Variants in ZNF180 observed in about 807,000 individuals in gnomAD.
ZNF180 encodes zinc finger protein 180 (HHZ168).
ZNF180 carries 11 observed loss-of-function variants against 11.8 expected under a neutral mutation model. The ratio of observed to expected loss-of-function variants is 0.93; its 90% CI spans 0.59 to 1.55. The LOEUF (loss-of-function observed/expected upper bound fraction) is 1.55, where lower values mean the gene tolerates loss of function less well. Among genes scored for constraint, ZNF180 ranks in the 40% most tolerant of loss-of-function variants. The probability of loss-of-function intolerance (pLI) is 0.00; values close to 1 mark genes in which losing one functional copy is unlikely to be tolerated. For synonymous variants in ZNF180, 287 were observed against 257.7 expected, an observed-to-expected ratio of 1.11 and a Z score of -1.09; for missense variants, 773 against 781.7, an observed-to-expected ratio of 0.99 and a Z score of 0.13.
rs929398841 is a variant in ZNF180 at position 44,474,526 on chromosome 19, T to C, written c.*1876A>G. On this transcript the variant is annotated 3_prime_UTR_variant, in exon 5 of 5. Coordinates refer to ENST00000592529, the MANE Select transcript of ZNF180 (RefSeq NM_001278509.3). ...CATCATTAAACCATCTAATCTAATATTCGACCATATCATTTCTTTCTTTAC... is the reference window on the plus strand; with the variant it reads ...CATCATTAAACCATCTAATCTAATACTCGACCATATCATTTCTTTCTTTAC... 1.3e-5 allele frequency: 2 copies of C among 152,226 alleles called. No homozygotes were observed. The highest frequency in any genetic ancestry group is 4.8e-5 in the African/African-American group (2 of 41,442). The allele number at this position is 152,226 out of a possible 1,614,324, so 9.4% of individuals were successfully genotyped here. A position where few individuals can be genotyped will look rare whatever the true frequency, so the allele number is the denominator to read the frequency against.
At chr19:44,489,066 C>T (rs1261317574) in intron 2 of ZNF180, among the ~76,000 whole-genome samples, 10 of 148,518 alleles carry the variant, frequency 6.7e-5, no homozygotes, top group Admixed American at 4.0e-4. Context: ...TGGGGGTCAG[C>T]CCCCGCCCGG....
At chr19:44,490,870 G>T (rs1970433103) in intron 2 of ZNF180, among the ~76,000 whole-genome samples, 1 of 152,188 alleles carries the variant, frequency 6.6e-6, no homozygotes, top group Non-Finnish European at 1.5e-5. Context: ...ACAAAAGAAA[G>T]CTCATCTTTC....
At chr19:44,494,370 A>G (rs1013068972) in intron 2 of ZNF180, among the ~76,000 whole-genome samples, 9 of 152,222 alleles carry the variant, frequency 5.9e-5, no homozygotes, top group South Asian at 2.1e-4. Context: ...GACCACATCA[A>G]AACACATTCT....
At chr19:44,480,073 A>G (rs1970039142) in intron 3 of ZNF180, among the ~76,000 whole-genome samples, 1 of 152,214 alleles carries the variant, frequency 6.6e-6, no homozygotes, top group South Asian at 2.1e-4. Context: ...AAGGGCATAT[A>G]TCTGCTTAAG....
At chr19:44,482,913 A>G (rs1035166855) in intron 3 of ZNF180, among the ~76,000 whole-genome samples, 1 of 152,218 alleles carries the variant, frequency 6.6e-6, no homozygotes, top group Non-Finnish European at 1.5e-5. Context: ...AAGCTTGCAC[A>G]TTGATGACTG....
chr19:44,489,016 T>C (rs367900524), intron 2 of ZNF180, among the ~76,000 whole-genome samples: 1 of 145,092 alleles, frequency 6.9e-6, no homozygotes, highest in African/African-American at 2.6e-5. Context: ...GGGAAGTGAG[T>C]AGCGTCTCCG....
rs774012232 is a variant in ZNF180 at position 44,479,283 on chromosome 19, C to G, written c.253G>C (p.Asp85His). The change falls in exon 4 of 5, where the codon GAC (aspartate) becomes CAC (histidine). Residue 85 changes from aspartate (D) to histidine (H), a missense_variant and splice_region_variant. By Grantham distance (81) the Asp-to-His change is moderately conservative. Coordinates refer to ENST00000592529, the MANE Select transcript of ZNF180 (RefSeq NM_001278509.3). ...TCATTAAAGAGGAGTGTATTCTTAC[C>G]CCAAGAGACTAGGTCCCTGTGGTTC... ...LENHRDLVSWDLATAVGKKDS... is the reference protein window; with the variant it reads ...LENHRDLVSWHLATAVGKKDS... 5.6e-6 allele frequency: 9 copies of G among 1,612,746 alleles called. No homozygotes were observed. Among genetic ancestry groups the G allele is most frequent in the Non-Finnish European group, 7.6e-6 (9 of 1,179,548 alleles).
Position 44,497,272 on chromosome 19 carries a change from G to C in ZNF180, c.51+12C>G. ...GGCTGCAGACAGACCCAAGCTCTGG[G>C]TCTCCACTCACCTGTGCACAGACCT... On this transcript the variant is annotated intron_variant, in intron 2 of 4. Transcript: ENST00000592529. 1 of 1,557,746 alleles carries C rather than the reference G, an allele frequency of 6.4e-7. No individual in the cohort carries two copies. Among genetic ancestry groups the C allele is most frequent in the Non-Finnish European group, 8.6e-7 (1 of 1,159,922 alleles).
At chr19:44,499,855 GATC>G (rs773256462) in intron 1 of ZNF180, among the ~76,000 whole-genome samples, 19 of 152,144 alleles carry the variant, frequency 1.2e-4, no homozygotes, top group South Asian at 2.1e-4. Context: ...CCAAATACCT[GATC>G]AAGAGTAAAG....
rs1436774280 is a variant in ZNF180, at chr19:44,483,235, A to G, written c.126+1126T>C. Among the ~76,000 whole-genome samples the G allele has an allele frequency of 2.0e-5, 3 of 152,256 alleles. No homozygotes were observed. In the East Asian group the frequency reaches 5.8e-4, roughly 29 times the overall value. On this transcript the variant is annotated intron_variant, in intron 3 of 4. Transcript: ENST00000592529. The stretch of plus-strand genomic sequence containing the variant: ...TTAGTGGGCTCTTTATCACTTCCAT[A>G]TTAATTACTCAATTTAAGGTTCATG...
In ZNF180 at chr19:44,477,600, A is replaced by T. The variant is rs1379429757; in HGVS notation, c.800T>A (p.Ile267Asn). ...ATCAAAGGTTTTTCCTCCTCCATGA[A>T]TTTTTTCATGTATATGTAGGGGTGT... ...HGTPLHIHEK[I>N]HGGGKTFDFK... Residue 267 changes from isoleucine to asparagine, a missense_variant, in exon 5 of 5, where the codon ATT (isoleucine) becomes AAT (asparagine). Ile to Asn is a moderately radical substitution (Grantham distance 149). Transcript: ENST00000592529. 2 of 1,613,978 alleles carry T rather than the reference A, an allele frequency of 1.2e-6. No individual in the cohort carries two copies. The highest frequency in any genetic ancestry group is 1.7e-6 in the Non-Finnish European group (2 of 1,179,992).
chr19:44,486,187 G>C (rs1432639367), intron 2 of ZNF180, among the ~76,000 whole-genome samples: 4 of 124,000 alleles, frequency 3.2e-5, no homozygotes, highest in Non-Finnish European at 7.2e-5. Context: ...ATATTGCTGA[G>C]TGAAAAAATG....
intron 3 of ZNF180, among the ~76,000 whole-genome samples, chr19:44,482,189 C>T (rs1402790482): frequency 6.6e-6 from 1 of 152,116 alleles, no homozygotes; most frequent in African/African-American, 2.4e-5. Context: ...TGCCTATAGT[C>T]CCAGCTACTC....
chr19:44,480,522 C>T (rs544115447), intron 3 of ZNF180, among the ~76,000 whole-genome samples: 1 of 152,294 alleles, frequency 6.6e-6, no homozygotes, highest in South Asian at 2.1e-4. Flanking sequence ...GCAGAGTTTA[C>T]TGATGAAACA....
chr19:44,499,575 T>C (rs768241795), intron 1 of ZNF180, among the ~76,000 whole-genome samples: 2 of 152,078 alleles, frequency 1.3e-5, no homozygotes, highest in African/African-American at 2.4e-5. Context: ...TGTTTTCCAT[T>C]CAGACACCCC....
chr19:44,475,515 CTA>C lies in ZNF180; in HGVS notation c.*885_*886del, dbSNP rs1969840247. ...TTCAATGAGGAATGTTCCTAGGAAT[CTA>C]TGTCCTAAGTAGTAATCTGCTCATG... On this transcript the variant is annotated 3_prime_UTR_variant, in exon 5 of 5. Coordinates refer to ENST00000592529, the MANE Select transcript of ZNF180 (RefSeq NM_001278509.3). 6.6e-6 allele frequency: 1 copy of C among 152,194 alleles called. No homozygotes were observed. The highest frequency in any genetic ancestry group is 1.5e-5 in the Non-Finnish European group (1 of 68,050). The allele number at this position is 152,194 out of a possible 1,614,324, so 9.4% of individuals were successfully genotyped here.
At chr19:44,488,217 TCTCCCTCTCCCTCTCCCTCTCTTTCCAC>T in intron 2 of ZNF180, among the ~76,000 whole-genome samples, 1 of 12,964 alleles carries the variant, frequency 7.7e-5, no homozygotes, top group East Asian at 8.9e-3. Flanking sequence ...CTTTCCACGG[TCTCCCTCTCCCTCTCCCTCTCTTTCCAC>T]GGTCTCCCTC....
chr19:44,478,053 G>A lies in ZNF180; in HGVS notation c.347C>T (p.Thr116Ile), dbSNP rs768681387. Residue 116 changes from threonine (T) to isoleucine (I), a missense_variant, in exon 5 of 5, where the codon ACA (threonine) becomes ATA (isoleucine). Physicochemically the swap from Thr to Ile is moderately conservative, Grantham distance 89 (BLOSUM62 -1). Coordinates refer to ENST00000592529, the MANE Select transcript of ZNF180 (RefSeq NM_001278509.3). The stretch of plus-strand genomic sequence containing the variant: ...TGAAGATAACCAAGGATCATCCCTT[G>A]TAAACCTTTCTATCTTCACTCCATT... Reference protein sequence around the residue: ...PANGVKIERFTRDDPWLSSCE... With the variant: ...PANGVKIERFIRDDPWLSSCE... 6.2e-7 allele frequency: 1 copy of A among 1,613,780 alleles called. No individual in the cohort carries two copies. The highest frequency in any genetic ancestry group is 1.7e-5 in the Admixed American group (1 of 60,010).
rs1970576394 is a variant in ZNF180, at chr19:44,496,280, A to T, written c.51+1004T>A. 2.0e-5 allele frequency among the ~76,000 whole-genome samples: 3 copies of T among 151,980 alleles called. No individual in the cohort carries two copies. The South Asian group carries it at 6.2e-4, about 32-fold the overall frequency. On this transcript the variant is annotated intron_variant, in intron 2 of 4. Coordinates refer to ENST00000592529, the MANE Select transcript of ZNF180 (RefSeq NM_001278509.3). The stretch of plus-strand genomic sequence containing the variant: ...GCAATCCTCCCACCTCGGCCTCCCA[A>T]AGTACTGGGATTATAGGTGTGAACC...
Sources: gnomAD v4.1 joint callset for allele counts (sites outside exome capture counted in the v4.1 genomes callset) on GRCh38, gnomAD v4.1.1 for gene constraint, MANE v1.5 for transcripts, NCBI Gene and HGNC (gene_info 2026-07-23, HGNC 2026-07-21) for gene names.